STOX2: variants seen among roughly 807,000 people sequenced by gnomAD.
STOX2 encodes storkhead-box protein 2.
In STOX2, 28 loss-of-function variants were observed where a neutral mutation model predicts 60.9. That is an observed-to-expected ratio of 0.46 (90% CI 0.34 to 0.63). The LOEUF (loss-of-function observed/expected upper bound fraction) is 0.63, where lower values mean the gene tolerates loss of function less well. Ranked by LOEUF, STOX2 falls within the 30% of genes least tolerant of loss-of-function variation. The pLI, the probability that STOX2 is intolerant of heterozygous loss-of-function variation, is 0.01. For missense variants in STOX2, 1,024 were observed against 1,187.7 expected, an observed-to-expected ratio of 0.86 and a Z score of 2.03; for synonymous variants, 472 against 463.9, an observed-to-expected ratio of 1.02 and a Z score of -0.22.
At chr4:183,832,055 T>C (rs963526280) in intron 1 of STOX2, among the ~76,000 whole-genome samples, 7 of 151,474 alleles carry the variant, frequency 4.6e-5, no homozygotes, top group Non-Finnish European at 1.0e-4. Flanking sequence ...AATGGAGTGA[T>C]CTTGGCTCAC....
At chr4:183,883,535 C>T (rs964751709) in intron 1 of STOX2, among the ~76,000 whole-genome samples, 5 of 152,082 alleles carry the variant, frequency 3.3e-5, no homozygotes, top group Admixed American at 6.5e-5. Context: ...CCAGGATGGT[C>T]TCGATCTCCT....
intron 1 of STOX2, chr4:183,798,610 C>G: frequency 1.0e-6 from 1 of 985,210 alleles, no homozygotes. Context: ...CGAGGCAAGG[C>G]TGCAGAGTTC....
At chr4:183,953,783 CT>C (rs1743164609) in intron 1 of STOX2, among the ~76,000 whole-genome samples, 1 of 152,096 alleles carries the variant, frequency 6.6e-6, no homozygotes, top group South Asian at 2.1e-4. Context: ...CCAGGCTGGT[CT>C]TGAACTCCTG....
intron 1 of STOX2, among the ~76,000 whole-genome samples, chr4:183,926,039 T>G (rs1302494170): frequency 6.6e-6 from 1 of 152,198 alleles, no homozygotes; most frequent in Non-Finnish European, 1.5e-5. Flanking sequence ...TGAAATTTTA[T>G]TACATGGGAG....
chr4:183,811,928 A>ATTT (rs529589265), intron 1 of STOX2, among the ~76,000 whole-genome samples: 16 of 129,700 alleles, frequency 1.2e-4, no homozygotes, highest in Admixed American at 2.4e-4. Context: ...GAAAGCCTGG[A>ATTT]TTTTTTTTTT....
chr4:183,909,362 G>A (rs1331201566), intron 1 of STOX2, among the ~76,000 whole-genome samples: 1 of 152,196 alleles, frequency 6.6e-6, no homozygotes, highest in African/African-American at 2.4e-5. Context: ...ATAAAATATT[G>A]AGTAGAAAAT....
At chr4:183,873,928 C>T (rs1028809546) in intron 1 of STOX2, among the ~76,000 whole-genome samples, 3 of 152,126 alleles carry the variant, frequency 2.0e-5, no homozygotes, top group African/African-American at 7.2e-5. Context: ...AATTGGAGAG[C>T]GTGGATGAGC....
chr4:184,006,949 G>C (rs936133168), intron 2 of STOX2, among the ~76,000 whole-genome samples: 1 of 140,972 alleles, frequency 7.1e-6, no homozygotes, highest in Admixed American at 7.1e-5. Context: ...CCAGGAGGCG[G>C]AGCTTGCAGT....
intron 1 of STOX2, among the ~76,000 whole-genome samples, chr4:183,805,165 A>G (rs1461029329): frequency 6.6e-6 from 1 of 152,222 alleles, no homozygotes; most frequent in Non-Finnish European, 1.5e-5. Flanking sequence ...AATATCACAC[A>G]CAGTGATGAT....
At chr4:183,859,507 G>T (rs1740380497) in intron 1 of STOX2, among the ~76,000 whole-genome samples, 1 of 152,214 alleles carries the variant, frequency 6.6e-6, no homozygotes, top group South Asian at 2.1e-4. Flanking sequence ...GCAGTGGGCA[G>T]CCTGGGAAGG....
At chr4:183,798,645 C>T (rs1354434945) in intron 1 of STOX2, 4 of 985,218 alleles carry the variant, frequency 4.1e-6, no homozygotes, top group East Asian at 1.1e-4. Context: ...ACCTGCAGCA[C>T]ATCTCTCAAG....
In STOX2 at chr4:184,010,362, G is replaced by A. The variant is rs61730740; in HGVS notation, c.1524G>A (p.Thr508=). ...KGPLGASSLG[T]PEDLAEGCSQ... ...CTCTGGGTGCTTCTTCTCTAGGGAC[G>A]CCGGAAGACCTTGCTGAAGGCTGCA... The change falls in exon 3 of 4, where the codon ACG becomes ACA. Residue 508 remains threonine (T), a synonymous_variant. Coordinates refer to ENST00000308497, the MANE Select transcript of STOX2 (RefSeq NM_020225.3). The surrounding 1 kb of genome is among the most constrained non-coding windows in gnomAD (Gnocchi z 4.5). 2,579 of 1,611,946 alleles carry A rather than the reference G, an allele frequency of 1.6e-3. 43 individuals carry two copies. The African/African-American group carries it at 0.031, about 20-fold the overall frequency.
intron 1 of STOX2, among the ~76,000 whole-genome samples, chr4:183,955,204 A>G (rs1743212476): frequency 6.6e-6 from 1 of 152,156 alleles, no homozygotes; most frequent in African/African-American, 2.4e-5. Flanking sequence ...TATCTTCCGC[A>G]TGTACAAGAA....
At chr4:183,999,194 C>T (rs1354932269) in intron 1 of STOX2, among the ~76,000 whole-genome samples, 1 of 152,032 alleles carries the variant, frequency 6.6e-6, no homozygotes, top group East Asian at 1.9e-4. Context: ...TGAGGTGGTC[C>T]CAGCCCACGT....
In STOX2 at chr4:183,821,528, G is replaced by A. The variant is rs1307237613; in HGVS notation, c.364+23473G>A. On this transcript the variant is annotated intron_variant, in intron 1 of 2. Coordinates refer to the STOX2 transcript ENST00000513034. The surrounding 1 kb of genome is among the most constrained non-coding windows in gnomAD (Gnocchi z 4.2). ...TGCGGGTGATCCCAACCCTTGCTGC[G>A]AAGGTCATTGCTCACAGCTCCCCAT... 6.6e-6 allele frequency among the ~76,000 whole-genome samples: 1 copy of A among 152,212 alleles called. No individual in the cohort carries two copies. The highest frequency in any genetic ancestry group is 1.5e-5 in the Non-Finnish European group (1 of 68,030).
At chr4:183,845,631 G>A (rs1237806280) in intron 1 of STOX2, among the ~76,000 whole-genome samples, 1 of 152,186 alleles carries the variant, frequency 6.6e-6, no homozygotes, top group Non-Finnish European at 1.5e-5. Flanking sequence ...GTGATGTGGA[G>A]AGGATACAGC....
At chr4:183,893,006 A>G (rs887728483) in intron 1 of STOX2, among the ~76,000 whole-genome samples, 1 of 152,198 alleles carries the variant, frequency 6.6e-6, no homozygotes, top group Admixed American at 6.5e-5. Context: ...ATGTGTAAGC[A>G]CAGAGTATCT....
At position 184,021,742 on chromosome 4, in the gene STOX2, A is replaced by G. The variant is rs902416122; in HGVS notation, c.*4458A>G. On this transcript the variant is annotated 3_prime_UTR_variant, in exon 4 of 4. Coordinates refer to ENST00000308497, the MANE Select transcript of STOX2 (RefSeq NM_020225.3). ...TGGCACCATAGAAAATCAGTACAAT[A>G]TATCGAGCCCTACTTTGGAGGAGCT... The G allele has an allele frequency of 1.3e-5, 2 of 152,230 alleles. No individual in the cohort carries two copies. The highest frequency in any genetic ancestry group is 4.8e-5 in the African/African-American group (2 of 41,456). 9.4% of individuals were successfully genotyped at this position (152,230 alleles called of 1,614,324 possible).
chr4:183,830,341 C>T (rs1318677760), intron 1 of STOX2, among the ~76,000 whole-genome samples: 1 of 152,176 alleles, frequency 6.6e-6, no homozygotes, highest in African/African-American at 2.4e-5. Context: ...CACTCTCAGT[C>T]GACTGAATTA....
Sources: gnomAD v4.1 joint callset for allele counts (sites outside exome capture counted in the v4.1 genomes callset) on GRCh38, gnomAD v4.1.1 for gene constraint, Gnocchi (gnomAD v3.1) non-coding constraint, MANE v1.5 for transcripts, NCBI Gene and HGNC (gene_info 2026-07-23, HGNC 2026-07-21) for gene names.